The following TEX11 variants were observed in gnomAD, a reference collection of about 807,000 sequenced individuals.
TEX11 encodes the protein testis-expressed protein 11.
TEX11 carries 7 observed loss-of-function variants against 84.4 expected under a neutral mutation model. That is an observed-to-expected ratio of 0.08 (90% CI 0.05 to 0.16). TEX11 has a LOEUF of 0.16. Among genes scored for constraint, TEX11 ranks in the 10% least tolerant of loss-of-function variants. The pLI, the probability that TEX11 is intolerant of heterozygous loss-of-function variation, is 1.00. For missense variants in TEX11, 551 were observed against 660.5 expected, an observed-to-expected ratio of 0.83 and a Z score of 1.82; for synonymous variants, 264 against 222.8, an observed-to-expected ratio of 1.18 and a Z score of -1.64.
chrX:70,662,642 G>T (rs898037088), intron 16 of TEX11, among the ~76,000 whole-genome samples: 42 of 111,818 alleles, frequency 3.8e-4, no homozygotes, highest in Non-Finnish European at 5.8e-4. Context: ...ACAAAGGGAA[G>T]CCCATCAGAC....
intron 4 of TEX11, among the ~76,000 whole-genome samples, chrX:70,870,409 C>T (rs2091623906): frequency 9.0e-6 from 1 of 111,137 alleles, no homozygotes; most frequent in South Asian, 3.8e-4. Flanking sequence ...AATCTCGGCT[C>T]GCTGCAAGCT....
At chrX:70,543,786 G>A (rs763496075) in intron 28 of TEX11, among the ~76,000 whole-genome samples, 1 of 111,756 alleles carries the variant, frequency 8.9e-6, no homozygotes, top group East Asian at 2.8e-4. Context: ...GACACAAGCT[G>A]AGAAATGTAT....
At chrX:70,633,544 G>A (rs2089535123) in intron 17 of TEX11, among the ~76,000 whole-genome samples, 1 of 111,714 alleles carries the variant, frequency 9.0e-6, no homozygotes, top group African/African-American at 3.3e-5. Flanking sequence ...GAGCAACAAA[G>A]CAAGAAAAAA....
At chrX:70,661,930 G>C (rs1302536092) in intron 16 of TEX11, among the ~76,000 whole-genome samples, 1 of 111,830 alleles carries the variant, frequency 8.9e-6, no homozygotes, top group African/African-American at 3.3e-5. Context: ...AAACAGAGCA[G>C]AAAAACTGAA....
chrX:70,786,771 G>A (rs1468120415), intron 9 of TEX11, among the ~76,000 whole-genome samples: 3 of 111,868 alleles, frequency 2.7e-5, no homozygotes, highest in Non-Finnish European at 5.6e-5. Flanking sequence ...TATGCAAAAC[G>A]TAAATGTGGT....
Position 70,762,415 on chromosome X carries a change from G to A in TEX11, c.693-18196C>T, listed in dbSNP as rs1042541730. Among the ~76,000 whole-genome samples the A allele has an allele frequency of 1.8e-5, 2 of 111,442 alleles. 1 individual carries two copies. Among genetic ancestry groups the A allele is most frequent in the Non-Finnish European group, 3.8e-5 (2 of 53,097 alleles). ...GGAAAAAAACGTTTAAAAGCAGGGG[G>A]TCGAAGCTCCTAAAGCAGGAACCGG... On this transcript the variant is annotated intron_variant, in intron 9 of 29. Coordinates refer to ENST00000374333, the MANE Select transcript of TEX11 (RefSeq NM_031276.3).
intron 28 of TEX11, among the ~76,000 whole-genome samples, chrX:70,547,375 A>G (rs2088144095): frequency 9.0e-6 from 1 of 111,386 alleles, no homozygotes; most frequent in Admixed American, 9.6e-5. Flanking sequence ...ACCAAATTTA[A>G]TAACTATCTA....
rs765014799 is a variant in TEX11 at position 70,569,244 on chromosome X, C to T, written c.2141-14444G>A. Among the ~76,000 whole-genome samples, 213 of 112,109 alleles carry T rather than the reference C, an allele frequency of 1.9e-3. 5 individuals are homozygous for T. In the South Asian group the frequency reaches 0.079, roughly 41 times the overall value. On this transcript the variant is annotated intron_variant, in intron 25 of 29. Coordinates refer to ENST00000374333, the MANE Select transcript of TEX11 (RefSeq NM_031276.3). ...TCTTCACGTAGTTCTTGAGCCTTGGCTTTCAGCTCCATCAGCTCCTTTAAG... is the reference window on the plus strand; with the variant it reads ...TCTTCACGTAGTTCTTGAGCCTTGGTTTTCAGCTCCATCAGCTCCTTTAAG...
intron 9 of TEX11, among the ~76,000 whole-genome samples, chrX:70,781,541 T>G (rs779330536): frequency 1.2e-4 from 13 of 111,427 alleles, no homozygotes; most frequent in Non-Finnish European, 1.7e-4. Context: ...CATGTTCCAA[T>G]CCATCTCAAG....
intron 15 of TEX11, among the ~76,000 whole-genome samples, chrX:70,672,395 A>G (rs1353968348): frequency 8.9e-6 from 1 of 112,025 alleles, no homozygotes; most frequent in East Asian, 2.8e-4. Flanking sequence ...GCTGGATCAC[A>G]TGATAGGGGC....
chrX:70,706,558 T>C (rs993009758), intron 13 of TEX11, among the ~76,000 whole-genome samples: 19 of 111,239 alleles, frequency 1.7e-4, no homozygotes, highest in Non-Finnish European at 2.8e-4. Flanking sequence ...AATAGTTTTG[T>C]CTTCATAAAT....
rs765278605 is a variant in TEX11, at chrX:70,600,237, T to C, written c.2067+5164A>G. Among the ~76,000 whole-genome samples, 397 of 112,002 alleles carry C rather than the reference T, an allele frequency of 3.5e-3. 3 individuals carry two copies. The highest frequency in any genetic ancestry group is 4.8e-3 in the Non-Finnish European group (255 of 53,215). The stretch of plus-strand genomic sequence containing the variant: ...CTAACTGGTGTGAGATGGTATGTCA[T>C]TGTGGTTTTGATTTGCATTTCTCTG... On this transcript the variant is annotated intron_variant, in intron 24 of 29. Coordinates refer to ENST00000374333, the MANE Select transcript of TEX11 (RefSeq NM_031276.3).
At chrX:70,797,958 A>G (rs369402470) in intron 9 of TEX11, among the ~76,000 whole-genome samples, 1 of 97,097 alleles carries the variant, frequency 1.0e-5, no homozygotes. Context: ...CAAAGCAAAG[A>G]TGCCCACTCT....
At chrX:70,703,349 A>G (rs1021990215) in intron 13 of TEX11, among the ~76,000 whole-genome samples, 10 of 111,911 alleles carry the variant, frequency 8.9e-5, no homozygotes, top group Non-Finnish European at 1.9e-4. Flanking sequence ...CATGTTACAT[A>G]TAAGAAAACT....
chrX:70,815,709 G>A (rs891310962), intron 8 of TEX11, among the ~76,000 whole-genome samples: 3 of 110,954 alleles, frequency 2.7e-5, no homozygotes, highest in Non-Finnish European at 3.8e-5. Flanking sequence ...TGTCCCCCAC[G>A]GATAAGGGGG....
chrX:70,825,698 G>A (rs746756083), intron 8 of TEX11, among the ~76,000 whole-genome samples: 28 of 112,353 alleles, frequency 2.5e-4, no homozygotes, highest in Non-Finnish European at 3.8e-4. Flanking sequence ...CACTTTGGCC[G>A]GGTGTGGTGG....
intron 7 of TEX11, among the ~76,000 whole-genome samples, chrX:70,835,119 C>T (rs1357575587): frequency 1.8e-5 from 2 of 111,026 alleles, no homozygotes; most frequent in Non-Finnish European, 3.8e-5. Flanking sequence ...AATAATATTC[C>T]TGTCTACACT....
At chrX:70,649,429 G>C (rs2089786009) in intron 17 of TEX11, among the ~76,000 whole-genome samples, 1 of 112,141 alleles carries the variant, frequency 8.9e-6, no homozygotes, top group Non-Finnish European at 1.9e-5. Context: ...ATTTTTTTAA[G>C]TGGACAATTT....
At chrX:70,517,637 A>C in the TEX11 span, among the ~76,000 whole-genome samples, 39 of 111,819 alleles carry the variant, frequency 3.5e-4, no homozygotes, top group Middle Eastern at 4.6e-3. Flanking sequence ...CTGGACTCAT[A>C]AAATGAGTTA....
Sources: gnomAD v4.1 joint callset for allele counts (sites outside exome capture counted in the v4.1 genomes callset) on GRCh38, gnomAD v4.1.1 for gene constraint, MANE v1.5 for transcripts, NCBI Gene and HGNC (gene_info 2026-07-23, HGNC 2026-07-21) for gene names.